SLC37A3: variants seen among roughly 807,000 people sequenced by gnomAD.
SLC37A3 encodes the protein sugar phosphate exchanger 3.
A neutral mutation model predicts 67.1 loss-of-function variants in SLC37A3; 51 were observed. The observed-to-expected ratio is 0.76, with a 90% CI of 0.61 to 0.96. The LOEUF (loss-of-function observed/expected upper bound fraction) is 0.96. Ranked by LOEUF, SLC37A3 falls within the 40% of genes least tolerant of loss-of-function variation. The pLI is 0.00. For missense variants in SLC37A3, 508 were observed against 603.0 expected, an observed-to-expected ratio of 0.84 and a Z score of 1.65; for synonymous variants, 214 against 231.4, an observed-to-expected ratio of 0.92 and a Z score of 0.68.
In SLC37A3 at chr7:140,343,500, T is replaced by C; in HGVS notation, c.1238A>G (p.Gln413Arg). 1 of 1,614,090 alleles carries C rather than the reference T, an allele frequency of 6.2e-7. No homozygotes were observed. Among genetic ancestry groups the C allele is most frequent in the South Asian group, 1.1e-5 (1 of 91,054 alleles). ...TTCACTGCTCCTTTGGATGAGCTCCTGGCGACCCAAGTCCGCAGAAATAGC... is the reference window on the plus strand; with the variant it reads ...TTCACTGCTCCTTTGGATGAGCTCCCGGCGACCCAAGTCCGCAGAAATAGC... ...SSAISADLGR[Q>R]ELIQRSSEAL... is the part of the protein sequence containing the mutation. The change falls in exon 13 of 15, where the codon CAG becomes CGG. Residue 413 changes from glutamine to arginine, a missense_variant. Coordinates refer to ENST00000326232, the MANE Select transcript of SLC37A3 (RefSeq NM_207113.3).
intron 2 of SLC37A3, among the ~76,000 whole-genome samples, chr7:140,381,415 C>T (rs1479683697): frequency 6.6e-6 from 1 of 151,824 alleles, no homozygotes; most frequent in African/African-American, 2.4e-5. Context: ...GTCCCAGCTA[C>T]TCAAGAGGCT....
chr7:140,366,474 C>T (rs1585319448), intron 4 of SLC37A3, among the ~76,000 whole-genome samples: 1 of 131,324 alleles, frequency 7.6e-6, no homozygotes, highest in East Asian at 2.3e-4. Context: ...GGAAGTGCAG[C>T]TCAAGATAAA....
intron 1 of SLC37A3, among the ~76,000 whole-genome samples, chr7:140,396,618 T>C (rs993279231): frequency 1.3e-5 from 2 of 152,118 alleles, no homozygotes; most frequent in Admixed American, 6.6e-5. Flanking sequence ...AAGTTAATGG[T>C]CACTGCAGTG....
chr7:140,345,378 C>A (rs1169090488), intron 11 of SLC37A3, 115 bp from the exon 12 acceptor site: 5 of 742,356 alleles, frequency 6.7e-6, no homozygotes, highest in Non-Finnish European at 1.2e-5. Flanking sequence ...CTCCCAGAGA[C>A]AACAAAGAGA....
intron 7 of SLC37A3, among the ~76,000 whole-genome samples, chr7:140,353,264 C>T (rs1333065472): frequency 6.6e-6 from 1 of 152,014 alleles, no homozygotes; most frequent in Non-Finnish European, 1.5e-5. Context: ...GGGCGGATCA[C>T]CTGAGGTCAG....
Position 140,335,400 on chromosome 7 carries a change from C to T in SLC37A3, c.*12G>A, listed in dbSNP as rs760138390. The T allele has an allele frequency of 6.2e-6, 10 of 1,614,002 alleles. No homozygotes were observed. Among genetic ancestry groups the T allele is most frequent in the South Asian group, 4.4e-5 (4 of 91,082 alleles). ...GTGGCTGACATTGTTCTTTCTGTCT[C>T]GCGGGCACCGGTCACTCCCTCAATA... is the stretch of plus-strand genomic sequence containing the variant. On this transcript the variant is annotated 3_prime_UTR_variant, in exon 15 of 15. Transcript: ENST00000326232.
At chr7:140,348,334 G>A (rs1796651172) in intron 10 of SLC37A3, 1 of 232,094 alleles carries the variant, frequency 4.3e-6, no homozygotes, top group East Asian at 9.7e-5. Context: ...ATTCCCATGT[G>A]CTTCCCGAGA....
intron 5 of SLC37A3, 33 bp downstream of exon 5, chr7:140,364,375 C>G (rs369998115): frequency 2.5e-6 from 4 of 1,587,396 alleles, no homozygotes; most frequent in Non-Finnish European, 3.4e-6. Flanking sequence ...AAATACCTGA[C>G]CAAAATAATA....
intron 1 of SLC37A3, among the ~76,000 whole-genome samples, chr7:140,389,710 T>C (rs1044717876): frequency 2.0e-5 from 3 of 152,204 alleles, no homozygotes; most frequent in African/African-American, 7.2e-5. Flanking sequence ...GACTTCGCAC[T>C]GCAGCAACAC....
At chr7:140,346,494 C>G (rs1252889546) in intron 10 of SLC37A3, among the ~76,000 whole-genome samples, 1 of 152,220 alleles carries the variant, frequency 6.6e-6, no homozygotes, top group East Asian at 1.9e-4. Context: ...ACAAATCAGA[C>G]AGCAAAACAT....
chr7:140,337,992 A>G lies in SLC37A3; in HGVS notation c.1327-643T>C, dbSNP rs1321530461. 4.6e-5 allele frequency among the ~76,000 whole-genome samples: 7 copies of G among 150,926 alleles called. No homozygotes were observed. In the South Asian group the frequency reaches 8.4e-4, roughly 18 times the overall value. On this transcript the variant is annotated intron_variant, in intron 13 of 14. Transcript: ENST00000326232. ...TGCAAGCTCTGCCTCCCAGGTTCAC[A>G]TCATTCTCCTGCCTCAGCCTCCCGA...
intron 5 of SLC37A3, among the ~76,000 whole-genome samples, chr7:140,363,180 C>A: frequency 1.2e-5 from 1 of 86,234 alleles, no homozygotes; most frequent in African/African-American, 4.3e-5. Context: ...GCCACGACCC[C>A]GTCTGGGAGG....
At chr7:140,379,037 CAAAT>C (rs199828106) in intron 3 of SLC37A3, among the ~76,000 whole-genome samples, 5,464 of 152,040 alleles carry the variant, frequency 0.036, 138 homozygotes, top group South Asian at 0.077. Context: ...AAGATACAAA[CAAAT>C]GAAACAGGCT....
chr7:140,358,888 ACACT>A, intron 5 of SLC37A3, 103 bp from the exon 6 acceptor site: 1 of 1,397,548 alleles, frequency 7.2e-7, no homozygotes, highest in Non-Finnish European at 1.0e-6. Context: ...CGTGAAGGAT[ACACT>A]CACACAGCCA....
intron 13 of SLC37A3, among the ~76,000 whole-genome samples, chr7:140,339,364 G>A (rs994079789): frequency 3.4e-5 from 5 of 149,188 alleles, no homozygotes; most frequent in South Asian, 2.2e-4. Flanking sequence ...AGGTTCAAGC[G>A]ATTATCCTGC....
At chr7:140,354,012 C>G (rs1796922695) in intron 7 of SLC37A3, among the ~76,000 whole-genome samples, 1 of 152,126 alleles carries the variant, frequency 6.6e-6, no homozygotes, top group African/African-American at 2.4e-5. Context: ...ACCTGGCCCA[C>G]TTAGCACACT....
intron 4 of SLC37A3, among the ~76,000 whole-genome samples, chr7:140,364,908 C>A (rs1797539628): frequency 1.3e-5 from 2 of 152,178 alleles, no homozygotes; most frequent in Non-Finnish European, 2.9e-5. Flanking sequence ...TCCTACCCAT[C>A]AGTGATAAGC....
chr7:140,378,614 G>A (rs774940770), intron 3 of SLC37A3, among the ~76,000 whole-genome samples: 7 of 152,014 alleles, frequency 4.6e-5, no homozygotes, highest in Non-Finnish European at 1.0e-4. Context: ...GCATGCGCCT[G>A]TAGTCCCAGC....
chr7:140,342,355 T>G (rs902233052), intron 13 of SLC37A3, among the ~76,000 whole-genome samples: 3 of 152,150 alleles, frequency 2.0e-5, no homozygotes, highest in Non-Finnish European at 4.4e-5. Context: ...AATCCTTCAG[T>G]TCTCTTTCTC....
Sources: gnomAD v4.1 joint callset for allele counts (sites outside exome capture counted in the v4.1 genomes callset) on GRCh38, gnomAD v4.1.1 for gene constraint, MANE v1.5 for transcripts, NCBI Gene and HGNC (gene_info 2026-07-23, HGNC 2026-07-21) for gene names.